Variants in TENM2 observed in about 807,000 individuals in gnomAD.
The protein encoded by TENM2 is teneurin-2.
Under a neutral mutation model 245.2 loss-of-function variants are expected in TENM2, and 52 were observed. The ratio of observed to expected loss-of-function variants is 0.21; its 90% CI spans 0.17 to 0.27. The LOEUF is 0.27. Among genes scored for constraint, TENM2 ranks in the 10% least tolerant of loss-of-function variants. The probability of loss-of-function intolerance (pLI) is 1.00; values close to 1 mark genes in which losing one functional copy is unlikely to be tolerated. For synonymous variants in TENM2, 1,363 were observed against 1,438.9 expected, an observed-to-expected ratio of 0.95 and a Z score of 1.19; for missense variants, 3,046 against 3,666.8, an observed-to-expected ratio of 0.83 and a Z score of 4.37.
the TENM2 span, among the ~76,000 whole-genome samples, chr5:167,220,893 G>A: frequency 6.6e-6 from 1 of 151,492 alleles, no homozygotes; most frequent in East Asian, 1.9e-4. Flanking sequence ...GTGGCTCAAT[G>A]TCAGCTCACT....
chr5:167,360,943 G>A (rs1759676092), intron 1 of TENM2, among the ~76,000 whole-genome samples: 1 of 152,180 alleles, frequency 6.6e-6, no homozygotes, highest in Non-Finnish European at 1.5e-5. Context: ...AGGGAACAAA[G>A]TGCGTGGGTT....
intron 2 of TENM2, among the ~76,000 whole-genome samples, chr5:167,704,050 A>G (rs762786221): frequency 6.6e-6 from 1 of 152,218 alleles, no homozygotes; most frequent in Non-Finnish European, 1.5e-5. Flanking sequence ...AATTATTTCT[A>G]GGTAGTTCTG....
intron 13 of TENM2, among the ~76,000 whole-genome samples, chr5:168,182,825 CTTT>C (rs149579948): frequency 6.3e-4 from 63 of 100,702 alleles, no homozygotes; most frequent in East Asian, 1.2e-3. Flanking sequence ...TCAGGGTGCT[CTTT>C]TTTTTTTTTT....
the TENM2 span, among the ~76,000 whole-genome samples, chr5:167,196,068 G>A: frequency 6.6e-6 from 1 of 152,022 alleles, no homozygotes; most frequent in Admixed American, 6.6e-5. Flanking sequence ...ATCGCAGAAT[G>A]TGCTTACACA....
At chr5:167,805,013 T>C (rs577094586) in intron 2 of TENM2, among the ~76,000 whole-genome samples, 1 of 152,292 alleles carries the variant, frequency 6.6e-6, no homozygotes, top group East Asian at 1.9e-4. Context: ...TTGTTTCACC[T>C]TTGGTGACTC....
At chr5:167,893,972 A>G (rs546015796) in intron 3 of TENM2, among the ~76,000 whole-genome samples, 1 of 152,334 alleles carries the variant, frequency 6.6e-6, no homozygotes, top group Admixed American at 6.5e-5. Context: ...CCATCCAAAG[A>G]TACAGTCCCA....
At chr5:167,387,258 TG>T (rs1282483401) in intron 2 of TENM2, among the ~76,000 whole-genome samples, 1 of 151,558 alleles carries the variant, frequency 6.6e-6, no homozygotes, top group Non-Finnish European at 1.5e-5. Flanking sequence ...GTTTTGTTGT[TG>T]TTGTTGTTGT....
At chr5:168,009,324 T>C in intron 5 of TENM2, among the ~76,000 whole-genome samples, 1 of 152,200 alleles carries the variant, frequency 6.6e-6, no homozygotes, top group East Asian at 1.9e-4. Context: ...TTTGAAATTA[T>C]GATAAATCTG....
chr5:167,196,410 GTTA>G, the TENM2 span, among the ~76,000 whole-genome samples: 1 of 150,984 alleles, frequency 6.6e-6, no homozygotes, highest in Non-Finnish European at 1.5e-5. Flanking sequence ...GCACATAAGT[GTTA>G]TTATTCATTA....
chr5:167,869,086 C>T (rs1304131698), intron 2 of TENM2, among the ~76,000 whole-genome samples: 1 of 152,218 alleles, frequency 6.6e-6, no homozygotes, highest in Non-Finnish European at 1.5e-5. Context: ...GTCTGCTGGA[C>T]TCTGAATTCT....
chr5:167,752,861 A>G lies in TENM2; in HGVS notation c.503-123125A>G, dbSNP rs10061876. 7.6e-3 allele frequency among the ~76,000 whole-genome samples: 1,152 copies of G among 152,334 alleles called. 15 individuals are homozygous for G. The highest frequency in any genetic ancestry group is 0.026 in the African/African-American group (1,094 of 41,576). On this transcript the variant is annotated intron_variant, in intron 2 of 28. Coordinates refer to ENST00000518659, the Ensembl canonical transcript of TENM2. ...ACTGATTTTACAGGTTTAGCCTAGC[A>G]TTGCAAGGATTTAGTTATATGGGTC... is the stretch of plus-strand genomic sequence containing the variant.
Position 167,420,849 on chromosome 5 carries a change from A to G in TENM2, c.502+45376A>G, listed in dbSNP as rs1308792232. Among the ~76,000 whole-genome samples the G allele has an allele frequency of 3.3e-5, 5 of 152,314 alleles. No individual in the cohort carries two copies. The East Asian group carries it at 9.6e-4, about 29-fold the overall frequency. ...GGCAGGAATCTTTGTTTTGCTTACT[A>G]ATATACCTAGAACTAAGCCTGATAT... On this transcript the variant is annotated intron_variant, in intron 2 of 28. Coordinates refer to ENST00000518659, the Ensembl canonical transcript of TENM2.
chr5:167,268,743 G>A, the TENM2 span, among the ~76,000 whole-genome samples: 1 of 152,054 alleles, frequency 6.6e-6, no homozygotes, highest in Non-Finnish European at 1.5e-5. Context: ...GGTTACAATG[G>A]TGGAGTTCAG....
At chr5:167,185,455 C>A in the TENM2 span, among the ~76,000 whole-genome samples, 1 of 151,956 alleles carries the variant, frequency 6.6e-6, no homozygotes. Context: ...TAAATACATG[C>A]CCTATTTTTG....
the TENM2 span, among the ~76,000 whole-genome samples, chr5:167,062,503 G>GAAAA: frequency 1.1e-3 from 172 of 149,654 alleles, 1 homozygote; most frequent in South Asian, 8.0e-3. Context: ...AATACACATT[G>GAAAA]AAAAAAAAAA....
chr5:167,766,586 A>G (rs1046715020), intron 2 of TENM2, among the ~76,000 whole-genome samples: 7 of 152,180 alleles, frequency 4.6e-5, no homozygotes, highest in African/African-American at 1.7e-4. Context: ...TGGAGAAAGT[A>G]GAACGCTTGG....
At chr5:167,936,652 T>C (rs1045464305) in intron 3 of TENM2, among the ~76,000 whole-genome samples, 1 of 152,250 alleles carries the variant, frequency 6.6e-6, no homozygotes, top group Non-Finnish European at 1.5e-5. Context: ...ATTATATTTT[T>C]AAAGTTAACA....
chr5:168,080,558 G>A (rs1581242147), intron 7 of TENM2, among the ~76,000 whole-genome samples: 1 of 152,182 alleles, frequency 6.6e-6, no homozygotes, highest in East Asian at 1.9e-4. Context: ...GCTTTCTCTT[G>A]TGGGCATTTA....
rs1174648726 is a variant in TENM2 at position 167,841,059 on chromosome 5, TCA to T, written c.503-34926_503-34925del. On this transcript the variant is annotated intron_variant, in intron 2 of 28. Coordinates refer to ENST00000518659, the Ensembl canonical transcript of TENM2. ...CATTTTTATGTAAAAATTGTCATCC[TCA>T]TTTTTTTTTTTTGAGATGGGAGTCT... 7.4e-5 allele frequency among the ~76,000 whole-genome samples: 7 copies of T among 94,310 alleles called. No individual in the cohort carries two copies. In the East Asian group the frequency reaches 2.0e-3, roughly 27 times the overall value. 61.9% of individuals were successfully genotyped at this position (94,310 alleles called of 152,430 possible).
Sources: gnomAD v4.1 joint callset for allele counts (sites outside exome capture counted in the v4.1 genomes callset) on GRCh38, gnomAD v4.1.1 for gene constraint, MANE v1.5 for transcripts, NCBI Gene and HGNC (gene_info 2026-07-23, HGNC 2026-07-21) for gene names.